GRB14: variants seen among roughly 807,000 people sequenced by gnomAD.
The protein encoded by GRB14 is growth factor receptor-bound protein 14.
GRB14 carries 38 observed loss-of-function variants against 69.1 expected under a neutral mutation model. The ratio of observed to expected loss-of-function variants is 0.55; its 90% confidence interval spans 0.42 to 0.72. The LOEUF is 0.72. Among genes scored for constraint, GRB14 ranks in the 30% least tolerant of loss-of-function variants. GRB14 has a pLI of 0.00. For missense variants in GRB14, 666 were observed against 666.1 expected (o/e 1.00, Z 0.00); for synonymous variants, 247 against 241.3 (o/e 1.02, Z -0.22).
At chr2:164,589,164 G>A (rs772781750) in intron 2 of GRB14, among the ~76,000 whole-genome samples, 1 of 152,086 alleles carries the variant, frequency 6.6e-6, no homozygotes, top group Non-Finnish European at 1.5e-5. Context: ...TATAAGATTA[G>A]TATTCAACTC....
At position 164,522,090 on chromosome 2, in the gene GRB14, C is replaced by A. The variant is rs201549751; in HGVS notation, c.706G>T (p.Glu236Ter). 1 of 1,599,158 alleles carries A rather than the reference C, an allele frequency of 6.3e-7. No homozygotes were observed. Residue 236 changes from glutamate to a stop codon, truncating the protein, a stop_gained, in exon 6 of 14, where the codon GAA becomes TAA. Coordinates refer to ENST00000263915, the MANE Select transcript of GRB14 (RefSeq NM_004490.3). LOFTEE classifies it high-confidence loss of function. ...TTCGCATGTAAGAAACCATGAATTT[C>A]AGGATATGTGCTTGAACTCAGAAAC... ...QMFLSSSTYP[E>*]IHGFLHAKEQ...
intron 2 of GRB14, among the ~76,000 whole-genome samples, chr2:164,590,738 G>A (rs1207546419): frequency 6.6e-6 from 1 of 152,122 alleles, no homozygotes; most frequent in African/African-American, 2.4e-5. Flanking sequence ...CTTTGTACAA[G>A]TGGTTTCACC....
At position 164,611,415 on chromosome 2, in the gene GRB14, A is replaced by T. The variant is rs549224697; in HGVS notation, c.324+8272T>A. On this transcript the variant is annotated intron_variant, in intron 2 of 13. Transcript: ENST00000263915. ...TTCAAGCCTACTTTGATGAAAGATG[A>T]AGCAGTACTTAACAAGAACAGAAAG... Among the ~76,000 whole-genome samples, 173 of 152,188 alleles carry T rather than the reference A, an allele frequency of 1.1e-3. 3 individuals carry two copies. The highest frequency in any genetic ancestry group is 4.0e-3 in the African/African-American group (167 of 41,528).
At chr2:164,497,166 A>T in intron 11 of GRB14, 45 bp downstream of exon 11, 1 of 1,598,788 alleles carries the variant, frequency 6.3e-7, no homozygotes, top group Non-Finnish European at 8.6e-7. Flanking sequence ...TGTCCTTTCC[A>T]TGTCTATCCG....
At chr2:164,573,286 A>T (rs1461906744) in intron 2 of GRB14, among the ~76,000 whole-genome samples, 1 of 152,196 alleles carries the variant, frequency 6.6e-6, no homozygotes. Flanking sequence ...CCTTATGTTC[A>T]CATACAATCA....
At chr2:164,619,631 CTG>C (rs1690395093) in intron 2 of GRB14, 54 bp downstream of exon 2, 1 of 1,190,868 alleles carries the variant, frequency 8.4e-7, no homozygotes, top group Non-Finnish European at 1.2e-6. Context: ...ACCTTAAAGA[CTG>C]TATGGATTCA....
At chr2:164,496,560 CACTT>C (rs1459300854) in intron 12 of GRB14, among the ~76,000 whole-genome samples, 1 of 151,966 alleles carries the variant, frequency 6.6e-6, no homozygotes. Flanking sequence ...GTGTTCAAAA[CACTT>C]AAGAAACAGC....
chr2:164,494,984 C>T (rs183034338), intron 12 of GRB14, among the ~76,000 whole-genome samples: 139 of 152,008 alleles, frequency 9.1e-4, no homozygotes, highest in Non-Finnish European at 1.7e-3. Context: ...CAGGGTCTCG[C>T]TCTGTCACCC....
intron 2 of GRB14, among the ~76,000 whole-genome samples, chr2:164,578,481 GA>G (rs1307169836): frequency 7.0e-6 from 1 of 142,324 alleles, no homozygotes; most frequent in African/African-American, 2.6e-5. Context: ...AAACCCAAAA[GA>G]AAAATGAACA....
At chr2:164,517,998 C>T (rs1358551485) in intron 6 of GRB14, among the ~76,000 whole-genome samples, 1 of 152,130 alleles carries the variant, frequency 6.6e-6, no homozygotes, top group Non-Finnish European at 1.5e-5. Context: ...TGGATTTAAA[C>T]CATATCTTAA....
chr2:164,579,795 T>C (rs1198022231), intron 2 of GRB14, among the ~76,000 whole-genome samples: 2 of 152,074 alleles, frequency 1.3e-5, no homozygotes, highest in Non-Finnish European at 2.9e-5. Flanking sequence ...GAAAAGGACC[T>C]CCACGAATCT....
chr2:164,600,238 C>T (rs188436021), intron 2 of GRB14, among the ~76,000 whole-genome samples: 1 of 152,080 alleles, frequency 6.6e-6, no homozygotes, highest in Non-Finnish European at 1.5e-5. Context: ...GGGCAATTCC[C>T]GTTGCCATAG....
chr2:164,547,505 G>A (rs573408989), intron 3 of GRB14, among the ~76,000 whole-genome samples, 155 bp downstream of exon 3: 58 of 151,490 alleles, frequency 3.8e-4, no homozygotes, highest in Admixed American at 2.2e-3. Flanking sequence ...TGATCAGAAG[G>A]AAAAAAAGAA....
At chr2:164,586,699 A>G (rs1441006869) in intron 2 of GRB14, among the ~76,000 whole-genome samples, 1 of 152,184 alleles carries the variant, frequency 6.6e-6, no homozygotes. Flanking sequence ...AACAGCCTAG[A>G]CATCACTTTA....
At chr2:164,613,585 C>G (rs1443972584) in intron 2 of GRB14, among the ~76,000 whole-genome samples, 1 of 152,178 alleles carries the variant, frequency 6.6e-6, no homozygotes, top group Non-Finnish European at 1.5e-5. Flanking sequence ...AAAGAAATCT[C>G]AAAAATGATG....
chr2:164,561,371 G>A (rs1184429069), intron 2 of GRB14, among the ~76,000 whole-genome samples: 1 of 152,096 alleles, frequency 6.6e-6, no homozygotes, highest in African/African-American at 2.4e-5. Context: ...GCAAAATAAG[G>A]CATTTCTGAA....
At chr2:164,611,390 T>C (rs1252293557) in intron 2 of GRB14, among the ~76,000 whole-genome samples, 1 of 152,048 alleles carries the variant, frequency 6.6e-6, no homozygotes, top group African/African-American at 2.4e-5. Context: ...TGTATATAGA[T>C]TCAAGCCTAC....
At position 164,511,662 on chromosome 2, in the gene GRB14, G is replaced by A. The variant is rs578142359; in HGVS notation, c.817-2810C>T. Reference sequence around the variant, plus strand: ...GATCCTAAGATAGATCCTAAGACATGCTGGCTTCAGGTGAAACCTAGCACA... The same window carrying A: ...GATCCTAAGATAGATCCTAAGACATACTGGCTTCAGGTGAAACCTAGCACA... On this transcript the variant is annotated intron_variant, in intron 6 of 13. Coordinates refer to ENST00000263915, the MANE Select transcript of GRB14 (RefSeq NM_004490.3). Among the ~76,000 whole-genome samples the A allele has an allele frequency of 2.0e-5, 3 of 152,288 alleles. No individual in the cohort carries two copies. The East Asian group carries it at 5.8e-4, about 30-fold the overall frequency.
intron 9 of GRB14, among the ~76,000 whole-genome samples, chr2:164,499,966 C>T (rs1308274815): frequency 3.3e-5 from 5 of 152,078 alleles, no homozygotes; most frequent in Non-Finnish European, 7.4e-5. Flanking sequence ...GTGACTTGAC[C>T]AAAGTCACAC....
Sources: gnomAD v4.1 joint callset for allele counts (sites outside exome capture counted in the v4.1 genomes callset) on GRCh38, gnomAD v4.1.1 for gene constraint, MANE v1.5 for transcripts, NCBI Gene and HGNC (gene_info 2026-07-23, HGNC 2026-07-21) for gene names.